Variants in PTPRU observed in about 807,000 individuals in gnomAD.
The protein encoded by PTPRU is receptor-type tyrosine-protein phosphatase U.
In PTPRU, 69 loss-of-function variants were observed where a neutral mutation model predicts 166.3. The observed-to-expected ratio is 0.41, with a 90% CI of 0.34 to 0.51. PTPRU has a LOEUF of 0.51. PTPRU is among the 20% of genes least tolerant of loss of function. The pLI is 0.09. For missense variants in PTPRU, 1,657 were observed against 2,013.7 expected, an observed-to-expected ratio of 0.82 and a Z score of 3.39; for synonymous variants, 793 against 814.0, an observed-to-expected ratio of 0.97 and a Z score of 0.44.
chr1:29,302,615 T>C (rs1429423627), intron 15 of PTPRU, among the ~76,000 whole-genome samples: 1 of 152,146 alleles, frequency 6.6e-6, no homozygotes, highest in Non-Finnish European at 1.5e-5. Context: ...AGTGGCGCGA[T>C]CTTGGCTCAC....
At chr1:29,312,846 C>T (rs1687730404) in intron 22 of PTPRU, 140 bp downstream of exon 22, 8 of 1,107,616 alleles carry the variant, frequency 7.2e-6, no homozygotes, top group Middle Eastern at 3.2e-4. Context: ...GAGGGAACGA[C>T]CCCCAAAGGC....
In PTPRU at chr1:29,238,359, CT is replaced by C. The variant is rs1444533647; in HGVS notation, c.73+1643del. On this transcript the variant is annotated intron_variant, in intron 1 of 29. Coordinates refer to ENST00000373779, the MANE Select transcript of PTPRU (RefSeq NM_133178.4). The surrounding 1 kb of genome is among the most constrained non-coding windows in gnomAD (Gnocchi z 6.1). ...GTTTCGGGGCCCTGCTCCGGGTGAC[CT>C]CCCCCGCCCTCGCCACCGGCGGGGC... 2.0e-5 allele frequency among the ~76,000 whole-genome samples: 3 copies of C among 152,006 alleles called. No individual in the cohort carries two copies. Among genetic ancestry groups the C allele is most frequent in the Non-Finnish European group, 2.9e-5 (2 of 67,968 alleles).
At chr1:29,319,509 G>A (rs1688052894) in intron 25 of PTPRU, among the ~76,000 whole-genome samples, 1 of 152,224 alleles carries the variant, frequency 6.6e-6, no homozygotes. Flanking sequence ...TCAGTGAGGG[G>A]CCAGCTGGAG....
At chr1:29,289,976 A>G (rs530328919) in intron 14 of PTPRU, among the ~76,000 whole-genome samples, 13 of 152,202 alleles carry the variant, frequency 8.5e-5, no homozygotes, top group African/African-American at 3.1e-4. Flanking sequence ...AGTCACCCCC[A>G]GCAAGTCCCT....
intron 14 of PTPRU, among the ~76,000 whole-genome samples, chr1:29,289,129 C>G (rs1179339961): frequency 1.1e-5 from 1 of 87,788 alleles, no homozygotes; most frequent in Non-Finnish European, 2.2e-5. Context: ...GAGGGCCGTG[C>G]AGGGTGGGAG....
chr1:29,311,947 G>A lies in PTPRU; in HGVS notation c.3072+188G>A, dbSNP rs1281401247. ...GGCAGGAAGGTCACTGCCTTTGTTG[G>A]TGCCCATAGGAGGAAGCTGAGACAA... On this transcript the variant is annotated intron_variant, in intron 21 of 29. Coordinates refer to ENST00000373779, the MANE Select transcript of PTPRU (RefSeq NM_133178.4). The surrounding 1 kb of genome is among the most constrained non-coding windows in gnomAD (Gnocchi z 4.1). Among the ~76,000 whole-genome samples the A allele has an allele frequency of 6.6e-6, 1 of 152,222 alleles. No homozygotes were observed. Among genetic ancestry groups the A allele is most frequent in the East Asian group, 1.9e-4 (1 of 5,198 alleles).
Position 29,284,198 on chromosome 1 carries a change from C to T in PTPRU, c.2179+222C>T, listed in dbSNP as rs1224501367. Among the ~76,000 whole-genome samples the T allele has an allele frequency of 2.6e-5, 4 of 152,056 alleles. No individual in the cohort carries two copies. The East Asian group carries it at 5.8e-4, about 22-fold the overall frequency. On this transcript the variant is annotated intron_variant, in intron 13 of 29. Coordinates refer to ENST00000373779, the MANE Select transcript of PTPRU (RefSeq NM_133178.4). ...CCTGGAGCAGGCTTGTGGAGAGGAGCCATTATAGTTGGGCCTTGGGGGTGA... is the reference window on the plus strand; with the variant it reads ...CCTGGAGCAGGCTTGTGGAGAGGAGTCATTATAGTTGGGCCTTGGGGGTGA...
chr1:29,255,444 C>T, intron 2 of PTPRU, 38 bp downstream of exon 2: 2 of 1,606,940 alleles, frequency 1.2e-6, no homozygotes, highest in Non-Finnish European at 1.7e-6. Context: ...CCTTCTTCTC[C>T]TTCCAGAGGC....
intron 1 of PTPRU, among the ~76,000 whole-genome samples, chr1:29,241,900 C>G (rs1684074507): frequency 6.8e-6 from 1 of 147,960 alleles, no homozygotes; most frequent in African/African-American, 2.5e-5. Context: ...GCCTTTTCTT[C>G]TTTTTTATTC....
At chr1:29,255,455 A>T (rs1269709939) in intron 2 of PTPRU, 49 bp downstream of exon 2, 2 of 1,602,838 alleles carry the variant, frequency 1.2e-6, no homozygotes, top group Non-Finnish European at 1.7e-6. Context: ...TTCCAGAGGC[A>T]CTTCTACCCA....
At position 29,279,667 on chromosome 1, in the gene PTPRU, A is replaced by C. The variant is rs1574654023; in HGVS notation, c.1765+10A>C. The C allele has an allele frequency of 6.2e-7, 1 of 1,609,070 alleles. No individual in the cohort carries two copies. The stretch of plus-strand genomic sequence containing the variant: ...ACCACTAACATCTCTGGTGAGCCCC[A>C]CCTGACCCGGCCCAGCCTCTTCGGA... On this transcript the variant is annotated intron_variant, in intron 10 of 29. Coordinates refer to ENST00000373779, the MANE Select transcript of PTPRU (RefSeq NM_133178.4). This position sits in a 1 kb window ranked among gnomAD's most constrained non-coding sequence, Gnocchi z 5.2.
intron 12 of PTPRU, 119 bp downstream of exon 12, chr1:29,283,068 TCCCATAGCCCCACC>T: frequency 7.2e-7 from 1 of 1,397,290 alleles, no homozygotes; most frequent in African/African-American, 1.4e-5. Context: ...TAGCCCCACC[TCCCATAGCCCCACC>T]TCCCATAGCT....
Position 29,275,439 on chromosome 1 carries a change from A to C in PTPRU, c.1145-9A>C. 2 of 1,602,186 alleles carry C rather than the reference A, an allele frequency of 1.2e-6. No individual in the cohort carries two copies. The highest frequency in any genetic ancestry group is 1.3e-5 in the African/African-American group (1 of 74,612). ...CTAACTTCTTCTCTCTGCTTCCTGCATTCTCCAGAGCCCATGAGGGCCCCC... is the reference window on the plus strand; with the variant it reads ...CTAACTTCTTCTCTCTGCTTCCTGCCTTCTCCAGAGCCCATGAGGGCCCCC... On this transcript the variant is annotated splice_polypyrimidine_tract_variant and intron_variant, in intron 7 of 29. Transcript: ENST00000373779.
chr1:29,286,545 C>T (rs1176305208), intron 14 of PTPRU, among the ~76,000 whole-genome samples: 3 of 152,052 alleles, frequency 2.0e-5, no homozygotes, highest in Non-Finnish European at 2.9e-5. Flanking sequence ...ATAGGCAGTG[C>T]CCCCAGAATG....
chr1:29,248,847 C>G (rs1684413257), intron 1 of PTPRU, among the ~76,000 whole-genome samples: 1 of 152,168 alleles, frequency 6.6e-6, no homozygotes. Context: ...ACACCCACGG[C>G]TTCACAGCGC....
chr1:29,288,410 C>T (rs1299120820), intron 14 of PTPRU, among the ~76,000 whole-genome samples: 4 of 152,156 alleles, frequency 2.6e-5, no homozygotes, highest in Non-Finnish European at 4.4e-5. Flanking sequence ...ATACAAGAGA[C>T]ATCATGTAGC....
At chr1:29,263,076 C>T (rs554237694) in intron 7 of PTPRU, among the ~76,000 whole-genome samples, 52 of 152,318 alleles carry the variant, frequency 3.4e-4, no homozygotes, top group Non-Finnish European at 6.9e-4. Flanking sequence ...CCTCCACCTC[C>T]TGGGATCAAG....
Position 29,259,243 on chromosome 1 carries a change from C to CA in PTPRU, c.478-18_478-17insA. ...TGGAGGAATATCAGTATGATAGGGGCCCTCCCGCCTCCCCCAGGTGCTGTT... is the reference window on the plus strand; with the variant it reads ...TGGAGGAATATCAGTATGATAGGGGCACCTCCCGCCTCCCCCAGGTGCTGTT... On this transcript the variant is annotated splice_polypyrimidine_tract_variant and intron_variant, in intron 3 of 29. Coordinates refer to ENST00000373779, the MANE Select transcript of PTPRU (RefSeq NM_133178.4). The CA allele has an allele frequency of 6.2e-7, 1 of 1,607,706 alleles. No homozygotes were observed.
At chr1:29,297,301 C>T (rs1215441419) in intron 15 of PTPRU, among the ~76,000 whole-genome samples, 1 of 151,360 alleles carries the variant, frequency 6.6e-6, no homozygotes, top group Non-Finnish European at 1.5e-5. Flanking sequence ...GTGATCCACC[C>T]GTCTTGGCCT....
Sources: allele counts gnomAD v4.1 joint callset (sites outside exome capture counted in the v4.1 genomes callset), GRCh38; gene constraint gnomAD v4.1.1; non-coding constraint Gnocchi (gnomAD v3.1); transcripts MANE v1.5; gene names NCBI Gene and HGNC (gene_info 2026-07-23, HGNC 2026-07-21).